HCN1: variants seen among roughly 807,000 people sequenced by gnomAD.
The protein encoded by HCN1 is potassium/sodium hyperpolarization-activated cyclic nucleotide-gated channel 1.
Under a neutral mutation model 78.9 loss-of-function variants are expected in HCN1, and 13 were observed. The observed-to-expected ratio is 0.16, with a 90% CI of 0.11 to 0.26. The LOEUF (loss-of-function observed/expected upper bound fraction) is 0.26, where lower values mean the gene tolerates loss of function less well. Among genes scored for constraint, HCN1 ranks in the 10% least tolerant of loss-of-function variants. The probability of loss-of-function intolerance (pLI) is 1.00; values close to 1 mark genes in which losing one functional copy is unlikely to be tolerated. For synonymous variants in HCN1, 552 were observed against 455.5 expected, an observed-to-expected ratio of 1.21 and a Z score of -2.70; for missense variants, 810 against 1,154.3, an observed-to-expected ratio of 0.70 and a Z score of 4.32.
chr5:45,389,838 T>A (rs942987513), intron 4 of HCN1, among the ~76,000 whole-genome samples: 1 of 152,156 alleles, frequency 6.6e-6, no homozygotes, highest in Non-Finnish European at 1.5e-5. Flanking sequence ...ATACGTCGTA[T>A]CTCATGCACT....
intron 3 of HCN1, among the ~76,000 whole-genome samples, chr5:45,401,694 T>C (rs2112045682): frequency 6.6e-6 from 1 of 151,922 alleles, no homozygotes; most frequent in East Asian, 1.9e-4. Context: ...GTTCACATTT[T>C]CTTTATTCTA....
chr5:45,293,697 C>A (rs1348771531), intron 6 of HCN1, among the ~76,000 whole-genome samples: 1 of 151,770 alleles, frequency 6.6e-6, no homozygotes, highest in Non-Finnish European at 1.5e-5. Context: ...CCTAATTTTC[C>A]TAAGTATGTC....
chr5:45,352,015 T>A (rs572484598), intron 5 of HCN1, among the ~76,000 whole-genome samples: 1 of 152,276 alleles, frequency 6.6e-6, no homozygotes, highest in East Asian at 1.9e-4. Context: ...GACCCAGCCA[T>A]CCCATTACTG....
intron 5 of HCN1, among the ~76,000 whole-genome samples, chr5:45,316,958 A>C (rs1486918230): frequency 6.6e-6 from 1 of 152,232 alleles, no homozygotes. Context: ...ATGGATAGGA[A>C]GAATCAATAT....
intron 2 of HCN1, among the ~76,000 whole-genome samples, chr5:45,587,896 C>T (rs200137608): frequency 5.5e-4 from 84 of 152,086 alleles, no homozygotes; most frequent in African/African-American, 2.0e-3. Flanking sequence ...GATTAATGCC[C>T]TTATTAATGA....
At chr5:45,510,747 A>C (rs1290065316) in intron 2 of HCN1, among the ~76,000 whole-genome samples, 1 of 152,088 alleles carries the variant, frequency 6.6e-6, no homozygotes, top group Non-Finnish European at 1.5e-5. Context: ...CCAGGTGGGC[A>C]AAAGAAGAAA....
At chr5:45,571,527 G>T (rs1017851570) in intron 2 of HCN1, among the ~76,000 whole-genome samples, 1 of 152,176 alleles carries the variant, frequency 6.6e-6, no homozygotes, top group African/African-American at 2.4e-5. Context: ...GAACCTGGAT[G>T]CTTCATGGGA....
chr5:45,310,386 T>C (rs1001191034), intron 5 of HCN1, among the ~76,000 whole-genome samples: 5 of 152,104 alleles, frequency 3.3e-5, no homozygotes, highest in African/African-American at 9.6e-5. Flanking sequence ...AAAGAAGACA[T>C]ACATGTGGCC....
chr5:45,591,995 AT>A lies in HCN1; in HGVS notation c.849+53189del, dbSNP rs761458202. The stretch of plus-strand genomic sequence containing the variant: ...TGTAAAATCTGTGTCTAGATAGATT[AT>A]TTTTTTTTTTGCCACATGGATGTCC... On this transcript the variant is annotated intron_variant, in intron 2 of 7. Coordinates refer to ENST00000303230, the MANE Select transcript of HCN1 (RefSeq NM_021072.4). 8.3e-3 allele frequency among the ~76,000 whole-genome samples: 1,213 copies of A among 146,484 alleles called. 18 individuals are homozygous for A. Among genetic ancestry groups the A allele is most frequent in the African/African-American group, 0.026 (1,052 of 40,436 alleles).
chr5:45,663,973 A>C (rs1451946332), intron 1 of HCN1, among the ~76,000 whole-genome samples: 4 of 145,102 alleles, frequency 2.8e-5, no homozygotes, highest in African/African-American at 7.8e-5. Context: ...TACCCAAATG[A>C]CTATAAATCA....
At position 45,256,330 on chromosome 5, in the gene HCN1, G is replaced by A. The variant is rs1744613541; in HGVS notation, c.*5591C>T. 6.8e-6 allele frequency: 1 copy of A among 147,976 alleles called. No homozygotes were observed. Among genetic ancestry groups the A allele is most frequent in the South Asian group, 2.1e-4 (1 of 4,722 alleles). The allele number at this position is 147,976 out of a possible 1,614,324, so 9.2% of individuals were successfully genotyped here. A position where few individuals can be genotyped will look rare whatever the true frequency, so the allele number is the denominator to read the frequency against. On this transcript the variant is annotated 3_prime_UTR_variant, in exon 8 of 8. Transcript: ENST00000303230. Reference sequence around the variant, plus strand: ...TGATGTTGCAGTGGGCCAAGATCCTGCCATTGCACTCCCACCTGGGTGACA... The same window carrying A: ...TGATGTTGCAGTGGGCCAAGATCCTACCATTGCACTCCCACCTGGGTGACA...
chr5:45,688,610 G>C (rs191891574), intron 1 of HCN1, among the ~76,000 whole-genome samples: 1 of 152,144 alleles, frequency 6.6e-6, no homozygotes, highest in Admixed American at 6.5e-5. Context: ...TTTATTACAG[G>C]TCTGTTATGA....
intron 1 of HCN1, among the ~76,000 whole-genome samples, chr5:45,684,914 C>T (rs1027686848): frequency 6.6e-6 from 1 of 152,054 alleles, no homozygotes; most frequent in Non-Finnish European, 1.5e-5. Flanking sequence ...TTCATTTTTT[C>T]AGTCTCTGCT....
chr5:45,325,820 G>A (rs1746223978), intron 5 of HCN1, among the ~76,000 whole-genome samples: 1 of 151,538 alleles, frequency 6.6e-6, no homozygotes, highest in Non-Finnish European at 1.5e-5. Context: ...CTAGTAGGAA[G>A]GATTTACACA....
chr5:45,343,103 G>T (rs923765692), intron 5 of HCN1, among the ~76,000 whole-genome samples: 3 of 152,154 alleles, frequency 2.0e-5, no homozygotes, highest in Admixed American at 6.6e-5. Flanking sequence ...TGTGGTAAAG[G>T]TGAGAAATCA....
At chr5:45,452,667 CAATT>C (rs1403880016) in intron 3 of HCN1, among the ~76,000 whole-genome samples, 4 of 151,458 alleles carry the variant, frequency 2.6e-5, no homozygotes, top group Non-Finnish European at 5.9e-5. Flanking sequence ...GAAAATGGGC[CAATT>C]AGTCTATTCT....
intron 6 of HCN1, among the ~76,000 whole-genome samples, chr5:45,286,832 CA>C (rs1745278129): frequency 6.6e-6 from 1 of 151,748 alleles, no homozygotes. Context: ...AAGGACATCC[CA>C]ATAATGTAAG....
intron 1 of HCN1, among the ~76,000 whole-genome samples, chr5:45,650,179 C>T (rs1271837560): frequency 6.6e-6 from 1 of 152,106 alleles, no homozygotes; most frequent in Non-Finnish European, 1.5e-5. Flanking sequence ...AGATATTTAG[C>T]TGCCATAAAC....
chr5:45,501,018 A>G (rs1221871663), intron 2 of HCN1, among the ~76,000 whole-genome samples: 1 of 152,196 alleles, frequency 6.6e-6, no homozygotes, highest in Non-Finnish European at 1.5e-5. Context: ...ATAAAATAAA[A>G]TGCTAACAGA....
Sources: gnomAD v4.1 joint callset for allele counts (sites outside exome capture counted in the v4.1 genomes callset) on GRCh38, gnomAD v4.1.1 for gene constraint, MANE v1.5 for transcripts, NCBI Gene and HGNC (gene_info 2026-07-23, HGNC 2026-07-21) for gene names.